Variants in MYO9A observed in about 807,000 individuals in gnomAD.
MYO9A encodes unconventional myosin-IXa.
A neutral mutation model predicts 293.3 loss-of-function variants in MYO9A; 103 were observed. The observed-to-expected ratio is 0.35, with a 90% CI of 0.30 to 0.41. The LOEUF (loss-of-function observed/expected upper bound fraction) is 0.41, where lower values mean the gene tolerates loss of function less well. Among genes scored for constraint, MYO9A ranks in the 10% least tolerant of loss-of-function variants. The pLI is 1.00. For synonymous variants in MYO9A, 1,001 were observed against 1,035.7 expected (o/e 0.97, Z 0.64); for missense variants, 2,685 against 3,033.0 (o/e 0.89, Z 2.69).
At chr15:71,900,691 T>A (rs1313901946) in intron 23 of MYO9A, among the ~76,000 whole-genome samples, 1 of 152,172 alleles carries the variant, frequency 6.6e-6, no homozygotes, top group Non-Finnish European at 1.5e-5. Flanking sequence ...GGGTTTAAGG[T>A]AATCCTGACA....
intron 40 of MYO9A, 107 bp downstream of exon 40, chr15:71,830,002 G>GTGTT: frequency 1.8e-6 from 2 of 1,118,724 alleles, no homozygotes; most frequent in Non-Finnish European, 2.7e-6. Flanking sequence ...ATCTGACACA[G>GTGTT]TGTTTAACAC....
At position 71,888,028 on chromosome 15, in the gene MYO9A, T is replaced by G. The variant is rs757690942; in HGVS notation, c.5231A>C (p.Gln1744Pro). Residue 1744 changes from glutamine to proline, a missense_variant, in exon 27 of 42, where the codon CAG (glutamine) becomes CCG (proline). Gln to Pro is a moderately conservative substitution (Grantham distance 76, BLOSUM62 -1). Around this residue, in one of 10 missense-constraint regions of MYO9A, gnomAD observed 1,434 missense variants for 1,497.7 expected, o/e 0.96. Coordinates refer to ENST00000356056, the MANE Select transcript of MYO9A (RefSeq NM_006901.4). ...QGEITKLAVR[Q>P]KASDSDIRPQ... Reference sequence around the variant, plus strand: ...CCTTATATCTGAATCTGAAGCCTTCTGTCTCACTGCCAACTTGGTAATCTC... The same window carrying G: ...CCTTATATCTGAATCTGAAGCCTTCGGTCTCACTGCCAACTTGGTAATCTC... 5.4e-5 allele frequency: 86 copies of G among 1,605,688 alleles called. No homozygotes were observed. Among genetic ancestry groups the G allele is most frequent in the Non-Finnish European group, 7.3e-5 (86 of 1,173,628 alleles).
intron 4 of MYO9A, among the ~76,000 whole-genome samples, chr15:72,023,310 C>T (rs1270844997): frequency 1.3e-5 from 2 of 152,110 alleles, no homozygotes; most frequent in East Asian, 3.8e-4. Flanking sequence ...GTCTCAGAGA[C>T]CTGTGGGACA....
rs142776567 is a variant in MYO9A at position 71,897,772 on chromosome 15, T to C, written c.4731A>G (p.Leu1577=). The C allele has an allele frequency of 7.4e-6, 12 of 1,613,950 alleles. No individual in the cohort carries two copies. Among genetic ancestry groups the C allele is most frequent in the Middle Eastern group, 1.6e-4 (1 of 6,084 alleles). ...GGGCAAGAGCTGCATCTTTTAATGATAGGGACCCCAGTACATTAAGTTCTC... is the reference window on the plus strand; with the variant it reads ...GGGCAAGAGCTGCATCTTTTAATGACAGGGACCCCAGTACATTAAGTTCTC... ...NKGELNVLGS[L]SLKDAALAQK... Residue 1577 remains leucine (L), a synonymous_variant, in exon 25 of 42, where the codon CTA becomes CTG. Transcript: ENST00000356056.
At chr15:72,023,695 CAAAAAAAAAA>C (rs368209775) in intron 4 of MYO9A, among the ~76,000 whole-genome samples, 1 of 51,304 alleles carries the variant, frequency 1.9e-5, no homozygotes, top group African/African-American at 5.8e-5. Flanking sequence ...AACTCTGTCT[CAAAAAAAAAA>C]AAAAAAAAGA....
Position 71,880,376 on chromosome 15 carries a change from C to T in MYO9A, c.5581G>A (p.Val1861Ile), listed in dbSNP as rs745968778. Residue 1861 changes from valine to isoleucine, a missense_variant, in exon 29 of 42, where the codon GTC (valine) becomes ATC (isoleucine). This residue lies in a region of MYO9A where 1,434 missense variants were observed against 1,497.7 expected (regional missense o/e 0.96). Transcript: ENST00000356056. ...TCATCCATGCTTTTTAAATCACTGACACTTGCTATGATCTGGACAGAGTCA... is the reference window on the plus strand; with the variant it reads ...TCATCCATGCTTTTTAAATCACTGATACTTGCTATGATCTGGACAGAGTCA... ...QNDSVQIIAS[V>I]SDLKSMDEFL... 1.2e-6 allele frequency: 2 copies of T among 1,614,198 alleles called. No homozygotes were observed. The highest frequency in any genetic ancestry group is 1.7e-6 in the Non-Finnish European group (2 of 1,180,004).
chr15:71,895,217 T>A (rs968758108), intron 25 of MYO9A, among the ~76,000 whole-genome samples: 6 of 152,214 alleles, frequency 3.9e-5, no homozygotes, highest in Non-Finnish European at 8.8e-5. Flanking sequence ...TCAAAATCTC[T>A]CTTGCCACAG....
intron 39 of MYO9A, among the ~76,000 whole-genome samples, chr15:71,840,457 A>AGTC (rs2055109110): frequency 1.3e-5 from 2 of 152,110 alleles, no homozygotes; most frequent in African/African-American, 4.8e-5. Context: ...AGCCCATGGT[A>AGTC]GTCATATGAG....
chr15:72,034,396 A>G (rs2077976965), intron 2 of MYO9A, among the ~76,000 whole-genome samples: 1 of 152,244 alleles, frequency 6.6e-6, no homozygotes, highest in South Asian at 2.1e-4. Flanking sequence ...TTAAGAAATT[A>G]TTCTATAATG....
rs558698312 is a variant in MYO9A at position 71,922,716 on chromosome 15, G to A, written c.2563-6224C>T. ...GAAACCTTTTATTTAAAAACAATAT[G>A]ACATTTTAATTTTAATTAGCATTCA... On this transcript the variant is annotated intron_variant, in intron 18 of 41. Coordinates refer to ENST00000356056, the MANE Select transcript of MYO9A (RefSeq NM_006901.4). 1.3e-5 allele frequency among the ~76,000 whole-genome samples: 2 copies of A among 152,190 alleles called. 1 individual carries two copies. The highest frequency in any genetic ancestry group is 4.8e-5 in the African/African-American group (2 of 41,510).
At chr15:72,024,392 C>T (rs945824921) in intron 4 of MYO9A, among the ~76,000 whole-genome samples, 20 of 152,132 alleles carry the variant, frequency 1.3e-4, no homozygotes, top group Admixed American at 5.9e-4. Flanking sequence ...GTGATCCTCT[C>T]ACCTCAGCCT....
chr15:72,063,720 A>C (rs1351277342), intron 1 of MYO9A, among the ~76,000 whole-genome samples: 1 of 152,232 alleles, frequency 6.6e-6, no homozygotes, highest in Non-Finnish European at 1.5e-5. Context: ...GTAAATTAAT[A>C]CAGCCACTAT....
intron 20 of MYO9A, 86 bp from the exon 21 acceptor site, chr15:71,904,125 T>C (rs1236078594): frequency 1.2e-5 from 13 of 1,056,444 alleles, no homozygotes; most frequent in Non-Finnish European, 1.8e-5. Flanking sequence ...CTGTTGAGTA[T>C]CTAGAGATTG....
At chr15:72,045,678 A>AT (rs774905825) in intron 2 of MYO9A, 46 bp downstream of exon 2, 1 of 1,516,224 alleles carries the variant, frequency 6.6e-7, no homozygotes, top group Non-Finnish European at 8.8e-7. Flanking sequence ...ACCTCAAAGG[A>AT]TAAAAATCAA....
intron 16 of MYO9A, among the ~76,000 whole-genome samples, chr15:71,936,372 A>G (rs1228554742): frequency 6.6e-6 from 1 of 152,162 alleles, no homozygotes; most frequent in Admixed American, 6.6e-5. Context: ...GTACGAAGTT[A>G]CAGTAAGACA....
intron 12 of MYO9A, among the ~76,000 whole-genome samples, 159 bp downstream of exon 12, chr15:71,978,012 G>A (rs2076185307): frequency 6.6e-6 from 1 of 152,104 alleles, no homozygotes; most frequent in African/African-American, 2.4e-5. Flanking sequence ...ACTCCAGCCT[G>A]GGTGACAGAT....
intron 25 of MYO9A, among the ~76,000 whole-genome samples, chr15:71,895,090 T>C (rs1158976591): frequency 2.6e-5 from 4 of 152,192 alleles, no homozygotes; most frequent in Admixed American, 6.5e-5. Context: ...CAAACACAAA[T>C]AGATGCAATC....
chr15:71,970,582 G>T (rs749027643), intron 12 of MYO9A, among the ~76,000 whole-genome samples: 1 of 152,044 alleles, frequency 6.6e-6, no homozygotes, highest in Admixed American at 6.5e-5. Flanking sequence ...TCATGCCTTT[G>T]CATCTTCTGG....
rs1048420052 is a variant in MYO9A, at chr15:72,046,219, T to C, written c.345A>G (p.Ser115=). Residue 115 remains serine, a synonymous_variant, in exon 2 of 42, where the codon TCA becomes TCG. Transcript: ENST00000356056. ...FLLREKNLDG[S]IHYGSLQSWL... ...ATGACTGCAGGCTACCATAATGGAT[T>C]GATCCATCAAGGTTTTTCTCTCTCA... 6.2e-7 allele frequency: 1 copy of C among 1,613,960 alleles called. No individual in the cohort carries two copies. The highest frequency in any genetic ancestry group is 2.2e-5 in the East Asian group (1 of 44,872).
Sources: allele counts gnomAD v4.1 joint callset (sites outside exome capture counted in the v4.1 genomes callset), GRCh38; gene constraint gnomAD v4.1.1; regional missense constraint gnomAD v4.1.1; transcripts MANE v1.5; gene names NCBI Gene and HGNC (gene_info 2026-07-23, HGNC 2026-07-21).